MYO16: variants seen among roughly 807,000 people sequenced by gnomAD.
MYO16 encodes the protein unconventional myosin-XVI.
MYO16 carries 94 observed loss-of-function variants against 205.3 expected under a neutral mutation model. That is an observed-to-expected ratio of 0.46 (90% CI 0.39 to 0.54). MYO16 has a LOEUF of 0.54. MYO16 is among the 20% of genes least tolerant of loss of function. MYO16 has a pLI of 0.00. For missense variants in MYO16, 2,315 were observed against 2,387.5 expected, an observed-to-expected ratio of 0.97 and a Z score of 0.63; for synonymous variants, 988 against 954.0, an observed-to-expected ratio of 1.04 and a Z score of -0.66.
At chr13:109,036,089 G>A (rs1404858439) in intron 23 of MYO16, among the ~76,000 whole-genome samples, 7 of 152,178 alleles carry the variant, frequency 4.6e-5, no homozygotes, top group African/African-American at 1.4e-4. Context: ...AAGGCACAGC[G>A]AGAAAGGAGG....
intron 1 of MYO16, among the ~76,000 whole-genome samples, chr13:108,643,378 C>A (rs1880597203): frequency 6.6e-6 from 1 of 152,124 alleles, no homozygotes; most frequent in Admixed American, 6.5e-5. Context: ...GTGGATGCGC[C>A]ATGGTTTGTT....
At chr13:108,740,068 G>A (rs1440438194) in intron 4 of MYO16, among the ~76,000 whole-genome samples, 12 of 152,140 alleles carry the variant, frequency 7.9e-5, no homozygotes, top group Admixed American at 4.6e-4. Flanking sequence ...TAGCTTCTTT[G>A]TGATGGGTTG....
intron 19 of MYO16, among the ~76,000 whole-genome samples, chr13:108,964,026 A>G (rs1032382269): frequency 6.6e-6 from 1 of 152,022 alleles, no homozygotes; most frequent in Non-Finnish European, 1.5e-5. Context: ...GATTGGAAAC[A>G]CCTCAACCCG....
intron 20 of MYO16, among the ~76,000 whole-genome samples, chr13:108,977,131 G>T (rs181598426): frequency 6.6e-6 from 1 of 152,138 alleles, no homozygotes; most frequent in Middle Eastern, 3.4e-3. Flanking sequence ...CTATCCTATG[G>T]TGTATTTTAT....
At chr13:109,203,975 T>C (rs1444432343) in intron 34 of MYO16, among the ~76,000 whole-genome samples, 1 of 152,190 alleles carries the variant, frequency 6.6e-6, no homozygotes, top group Non-Finnish European at 1.5e-5. Context: ...TTTATCTTCC[T>C]TCCAGAAAAA....
chr13:108,561,826 C>T, the MYO16 span, among the ~76,000 whole-genome samples: 14 of 152,134 alleles, frequency 9.2e-5, no homozygotes, highest in Non-Finnish European at 1.8e-4. Flanking sequence ...AATAAATTCT[C>T]TTGCTACAAA....
intron 21 of MYO16, among the ~76,000 whole-genome samples, chr13:109,001,090 G>T (rs1885195511): frequency 6.6e-6 from 1 of 151,002 alleles, no homozygotes; most frequent in South Asian, 2.1e-4. Context: ...CTTAAAATTT[G>T]TTATATATAC....
At chr13:108,961,902 A>G (rs952588901) in intron 18 of MYO16, among the ~76,000 whole-genome samples, 64 of 152,166 alleles carry the variant, frequency 4.2e-4, no homozygotes, top group African/African-American at 1.5e-3. Context: ...TCTTTAGCAC[A>G]TACTTGTTGT....
intron 24 of MYO16, among the ~76,000 whole-genome samples, chr13:109,049,441 T>C (rs1179695215): frequency 6.6e-6 from 1 of 152,200 alleles, no homozygotes; most frequent in African/African-American, 2.4e-5. Context: ...CCTGTGCCCA[T>C]AGGATGACAT....
intron 3 of MYO16, among the ~76,000 whole-genome samples, chr13:108,725,337 C>A (rs143201235): frequency 0.013 from 1,999 of 152,022 alleles, 41 homozygotes; most frequent in African/African-American, 0.045. Flanking sequence ...GTATACTTGG[C>A]AATTTTTTTG....
chr13:108,792,588 T>G (rs989195181), intron 5 of MYO16, among the ~76,000 whole-genome samples: 16 of 150,592 alleles, frequency 1.1e-4, no homozygotes, highest in Non-Finnish European at 2.4e-4. Flanking sequence ...CTTGGCTCAC[T>G]GCAACCTCTG....
intron 23 of MYO16, among the ~76,000 whole-genome samples, chr13:109,021,316 C>CA (rs1000407361): frequency 1.6e-4 from 24 of 152,214 alleles, no homozygotes; most frequent in African/African-American, 5.5e-4. Context: ...AGCCTCTAGC[C>CA]AAATTAAGAA....
intron 4 of MYO16, among the ~76,000 whole-genome samples, chr13:108,777,350 T>C (rs1353477410): frequency 6.6e-6 from 1 of 152,094 alleles, no homozygotes; most frequent in East Asian, 1.9e-4. Flanking sequence ...TAAAGGTAGA[T>C]TAATTACAAA....
chr13:109,065,546 G>T, intron 27 of MYO16: 1 of 447,488 alleles, frequency 2.2e-6, no homozygotes. Context: ...AAAAGAAAAA[G>T]AAAATTTAAA....
the MYO16 span, among the ~76,000 whole-genome samples, chr13:108,580,534 T>C: frequency 2.0e-5 from 3 of 152,236 alleles, no homozygotes; most frequent in Non-Finnish European, 2.9e-5. Context: ...ATTTAAACTA[T>C]AACAAGTAAA....
intron 21 of MYO16, among the ~76,000 whole-genome samples, chr13:108,997,921 G>T (rs1277716040): frequency 6.6e-6 from 1 of 152,174 alleles, no homozygotes; most frequent in Non-Finnish European, 1.5e-5. Context: ...GACTTGTCAA[G>T]AATTCAAATC....
Position 109,100,885 on chromosome 13 carries a change from C to T in MYO16, c.3436C>T (p.Gln1146Ter). The change falls in exon 28 of 35, where the codon CAG becomes TAG. Residue 1146 changes from glutamine to a stop codon, truncating the protein, a stop_gained and splice_region_variant. Coordinates refer to ENST00000457511, the MANE Select transcript of MYO16 (RefSeq NM_001198950.3). LOFTEE classifies it high-confidence loss of function. ...VLQQCKLQGW[Q>*]MGVRKVFLKY... is the part of the protein sequence containing the mutation. ...CCAGCAGTGTAAATTACAAGGCTGG[C>T]AGGTTGGTGACCTACAAGCTATGAA... 2 of 1,611,198 alleles carry T rather than the reference C, an allele frequency of 1.2e-6. No individual in the cohort carries two copies. Among genetic ancestry groups the T allele is most frequent in the South Asian group, 1.1e-5 (1 of 90,950 alleles).
intron 1 of MYO16, among the ~76,000 whole-genome samples, chr13:108,613,983 C>T (rs9520952): frequency 0.021 from 3,126 of 152,122 alleles, 61 homozygotes; most frequent in Middle Eastern, 0.088. Flanking sequence ...CTAGCCAGGG[C>T]ACTTACATAA....
At chr13:109,049,926 CTGTGTGTGTGTGTGTGTG>C (rs35960970) in intron 24 of MYO16, among the ~76,000 whole-genome samples, 5 of 105,908 alleles carry the variant, frequency 4.7e-5, no homozygotes, top group African/African-American at 1.4e-4. Flanking sequence ...TTCCTTTGTC[CTGTGTGTGTGTGTGTGTG>C]TGTGTGTGTG....
Sources: allele counts gnomAD v4.1 joint callset (sites outside exome capture counted in the v4.1 genomes callset), GRCh38; gene constraint gnomAD v4.1.1; transcripts MANE v1.5; gene names NCBI Gene and HGNC (gene_info 2026-07-23, HGNC 2026-07-21).